P2RY10: variants seen among roughly 807,000 people sequenced by gnomAD.
P2RY10 encodes the protein putative P2Y purinoceptor 10.
In P2RY10, 4 loss-of-function variants were observed where a neutral mutation model predicts 12.1. The observed-to-expected ratio is 0.33, with a 90% CI of 0.16 to 0.76. The LOEUF (loss-of-function observed/expected upper bound fraction) is 0.76. Ranked by LOEUF, P2RY10 falls within the 30% of genes least tolerant of loss-of-function variation. P2RY10 has a pLI of 0.61. For synonymous variants in P2RY10, 112 were observed against 94.1 expected, an observed-to-expected ratio of 1.19 and a Z score of -1.10; for missense variants, 233 against 264.6, an observed-to-expected ratio of 0.88 and a Z score of 0.83.
chrX:78,954,580 C>A (rs985075386), intron 3 of P2RY10, among the ~76,000 whole-genome samples: 2 of 112,125 alleles, frequency 1.8e-5, no homozygotes, highest in Non-Finnish European at 3.8e-5. Context: ...TCTGCTTCCA[C>A]AGAAATGTCT....
At position 78,947,780 on chromosome X, in the gene P2RY10, G is replaced by C. The variant is rs190970133; in HGVS notation, c.-205-35G>C. On this transcript the variant is annotated intron_variant, in intron 1 of 3. Coordinates refer to ENST00000171757, the MANE Select transcript of P2RY10 (RefSeq NM_014499.4). Reference sequence around the variant, plus strand: ...TAGTTCAGATCTCCAAGAGAACTGAGTATCCTTTCCCAATTGCCATTATAT... The same window carrying C: ...TAGTTCAGATCTCCAAGAGAACTGACTATCCTTTCCCAATTGCCATTATAT... 16 of 458,749 alleles carry C rather than the reference G, an allele frequency of 3.5e-5. No individual in the cohort carries two copies. The South Asian group carries it at 1.7e-3, about 48-fold the overall frequency. The allele number at this position is 458,749 out of a possible 1,213,427, so 37.8% of individuals were successfully genotyped here.
intron 1 of P2RY10, among the ~76,000 whole-genome samples, chrX:78,946,907 T>C (rs905468462): frequency 1.8e-5 from 2 of 110,952 alleles, no homozygotes; most frequent in African/African-American, 6.6e-5. Context: ...AATAAGTGAG[T>C]TGGGGTTTTA....
intron 3 of P2RY10, among the ~76,000 whole-genome samples, chrX:78,953,457 G>A (rs1055737258): frequency 8.9e-6 from 1 of 112,071 alleles, no homozygotes; most frequent in Admixed American, 9.4e-5. Context: ...ATAAGAAATA[G>A]GTTAATGGAT....
At chrX:78,957,913 C>T (rs1408402525) in intron 3 of P2RY10, among the ~76,000 whole-genome samples, 1 of 112,401 alleles carries the variant, frequency 8.9e-6, no homozygotes, top group East Asian at 2.8e-4. Context: ...ACCAGTGAAG[C>T]TAAAACAAAT....
chrX:78,951,500 T>A (rs920000786), intron 2 of P2RY10, among the ~76,000 whole-genome samples: 1 of 111,501 alleles, frequency 9.0e-6, no homozygotes, highest in African/African-American at 3.3e-5. Flanking sequence ...TGCTCTGTAG[T>A]CTTACCTTCT....
intron 2 of P2RY10, among the ~76,000 whole-genome samples, chrX:78,951,941 A>G (rs768204032): frequency 8.1e-5 from 9 of 110,887 alleles, no homozygotes; most frequent in East Asian, 2.8e-4. Flanking sequence ...ACAGACTCCA[A>G]TGTTTCTTGT....
rs780586346 is a variant in P2RY10 at position 78,960,886 on chromosome X, T to C, written c.366T>C (p.Cys122=). The change falls in exon 4 of 4, where the codon TGT becomes TGC. Residue 122 remains cysteine (C), a synonymous_variant. Coordinates refer to ENST00000171757, the MANE Select transcript of P2RY10 (RefSeq NM_014499.4). ...LKYLNMYASI[C]FLTCISLQRC... is the part of the protein sequence containing the mutation. ...ATCTCAACATGTATGCCAGCATTTGTTTCCTGACGTGCATCAGTCTTCAAA... is the reference window on the plus strand; with the variant it reads ...ATCTCAACATGTATGCCAGCATTTGCTTCCTGACGTGCATCAGTCTTCAAA... 2.5e-6 allele frequency: 3 copies of C among 1,209,912 alleles called. No homozygotes were observed. The East Asian group carries it at 8.9e-5, about 36-fold the overall frequency.
intron 1 of P2RY10, among the ~76,000 whole-genome samples, chrX:78,946,096 T>G (rs1921822336): frequency 9.0e-6 from 1 of 111,399 alleles, no homozygotes; most frequent in Non-Finnish European, 1.9e-5. Flanking sequence ...AGCTTGTTAG[T>G]GGTATAGGTG....
At chrX:78,952,006 AC>A (rs1260481811) in intron 2 of P2RY10, among the ~76,000 whole-genome samples, 186 bp from the exon 3 acceptor site, 2 of 111,936 alleles carry the variant, frequency 1.8e-5, no homozygotes, top group Non-Finnish European at 3.8e-5. Flanking sequence ...ATAAGTGAGA[AC>A]ATGTGGTGTT....
chrX:78,960,769 T>C lies in P2RY10; in HGVS notation c.249T>C (p.His83=). The C allele has an allele frequency of 1.7e-6, 2 of 1,211,810 alleles. No individual in the cohort carries two copies. The highest frequency in any genetic ancestry group is 2.2e-6 in the Non-Finnish European group (2 of 895,361). Residue 83 remains histidine, a synonymous_variant, in exon 4 of 4, where the codon CAT becomes CAC. Transcript: ENST00000171757. The part of the protein sequence containing the change: ...MINLSVADLA[H]VLSLPLRIYY... ...ACCTCTCTGTGGCTGACCTTGCTCA[T>C]GTATTATCTTTACCCCTCCGGATTT...
chrX:78,947,655 A>G (rs1198139399), intron 1 of P2RY10, among the ~76,000 whole-genome samples, 160 bp from the exon 2 acceptor site: 1 of 111,804 alleles, frequency 8.9e-6, no homozygotes, highest in Non-Finnish European at 1.9e-5. Flanking sequence ...CAATGATTTG[A>G]GTTAGACTGT....
At position 78,961,473 on chromosome X, in the gene P2RY10, G is replaced by A. The variant is rs200750596; in HGVS notation, c.953G>A (p.Arg318His). 12 of 1,208,198 alleles carry A rather than the reference G, an allele frequency of 9.9e-6. No homozygotes were observed. In the East Asian group the frequency reaches 1.5e-4, roughly 15 times the overall value. ...TCAGAGTTTCGTGACCAACTATCCC[G>A]CCATGGCAGTTCTGTGACCCGCTCC... ...MASEFRDQLS[R>H]HGSSVTRSRL... The change falls in exon 4 of 4, where the codon CGC becomes CAC. Residue 318 changes from arginine (R) to histidine (H), a missense_variant. By Grantham distance (29) the Arg-to-His change is conservative (BLOSUM62 0). Transcript: ENST00000171757.
Position 78,960,832 on chromosome X carries a change from C to T in P2RY10, c.312C>T (p.Ala104=). The change falls in exon 4 of 4, where the codon GCC becomes GCT. Residue 104 remains alanine (A), a synonymous_variant. Coordinates refer to ENST00000171757, the MANE Select transcript of P2RY10 (RefSeq NM_014499.4). ...YISHHWPFQR[A]LCLLCFYLKY... is the part of the protein sequence containing the mutation. Reference sequence around the variant, plus strand: ...GCCACCACTGGCCTTTCCAGAGAGCCCTTTGCCTGCTCTGCTTCTACCTGA... The same window carrying T: ...GCCACCACTGGCCTTTCCAGAGAGCTCTTTGCCTGCTCTGCTTCTACCTGA... 8.3e-7 allele frequency: 1 copy of T among 1,210,342 alleles called. No homozygotes were observed. Among genetic ancestry groups the T allele is most frequent in the Non-Finnish European group, 1.1e-6 (1 of 894,140 alleles).
chrX:78,950,594 G>A (rs373037346), intron 2 of P2RY10, among the ~76,000 whole-genome samples: 1 of 111,228 alleles, frequency 9.0e-6, no homozygotes, highest in Non-Finnish European at 1.9e-5. Context: ...GAATTCATAA[G>A]CACAATTCCA....
intron 3 of P2RY10, among the ~76,000 whole-genome samples, chrX:78,960,120 G>A (rs1158317512): frequency 2.7e-5 from 3 of 112,128 alleles, no homozygotes. Flanking sequence ...TTCTACTACT[G>A]CAATTAGGAG....
At chrX:78,957,387 C>CACACACACACACACACAGAG (rs760263078) in intron 3 of P2RY10, among the ~76,000 whole-genome samples, 1 of 75,809 alleles carries the variant, frequency 1.3e-5, no homozygotes, top group African/African-American at 4.7e-5. Context: ...CACACACACA[C>CACACACACACACACACAGAG]AGAGAGAGAG....
At position 78,961,701 on chromosome X, in the gene P2RY10, CAG is replaced by C. The variant is rs1474535307; in HGVS notation, c.*164_*165del. The C allele has an allele frequency of 3.7e-5, 14 of 376,863 alleles. No homozygotes were observed. The highest frequency in any genetic ancestry group is 2.9e-4 in the African/African-American group (11 of 38,336). The allele number at this position is 376,863 out of a possible 1,213,427, so 31.1% of individuals were successfully genotyped here. On this transcript the variant is annotated 3_prime_UTR_variant, in exon 4 of 4. Transcript: ENST00000171757. ...GTCAACAGGGGTGTGATGGTGAAGG[CAG>C]AGTGTGAAAAACGTGAGAGAGGAAG...
intron 3 of P2RY10, among the ~76,000 whole-genome samples, chrX:78,957,830 G>A (rs760866387): frequency 3.2e-4 from 36 of 112,230 alleles, no homozygotes; most frequent in Non-Finnish European, 5.6e-4. Flanking sequence ...TGCTGTTCTG[G>A]CATAATTGGG....
At chrX:78,955,382 C>CA (rs1246026827) in intron 3 of P2RY10, among the ~76,000 whole-genome samples, 1 of 112,150 alleles carries the variant, frequency 8.9e-6, no homozygotes, top group African/African-American at 3.2e-5. Context: ...CATGAGCCTT[C>CA]AGAATGAAGA....
Sources: gnomAD v4.1 joint callset for allele counts (sites outside exome capture counted in the v4.1 genomes callset) on GRCh38, gnomAD v4.1.1 for gene constraint, MANE v1.5 for transcripts, NCBI Gene and HGNC (gene_info 2026-07-23, HGNC 2026-07-21) for gene names.